Variants in SEMA3A observed in about 807,000 individuals in gnomAD.
The protein encoded by SEMA3A is semaphorin-3A.
A neutral mutation model predicts 97.9 loss-of-function variants in SEMA3A; 29 were observed. That is an observed-to-expected ratio of 0.30 (90% CI 0.22 to 0.40). The LOEUF is 0.40. Among genes scored for constraint, SEMA3A ranks in the 10% least tolerant of loss-of-function variants. The pLI is 1.00. For synonymous variants in SEMA3A, 321 were observed against 323.7 expected, an observed-to-expected ratio of 0.99 and a Z score of 0.09; for missense variants, 763 against 951.3, an observed-to-expected ratio of 0.80 and a Z score of 2.60.
chr7:84,217,809 C>G (rs969641022), intron 3 of SEMA3A, among the ~76,000 whole-genome samples: 2 of 151,668 alleles, frequency 1.3e-5, no homozygotes, highest in African/African-American at 4.8e-5. Context: ...TGGGTACCAT[C>G]GCTCATACCT....
chr7:84,324,015 T>C (rs2115921112), intron 2 of SEMA3A, among the ~76,000 whole-genome samples: 1 of 152,342 alleles, frequency 6.6e-6, no homozygotes, highest in Middle Eastern at 3.4e-3. Flanking sequence ...TTTGTAATTA[T>C]GTATTACCTT....
chr7:84,209,598 T>A (rs1186211649), intron 3 of SEMA3A, among the ~76,000 whole-genome samples: 1 of 152,202 alleles, frequency 6.6e-6, no homozygotes, highest in Admixed American at 6.5e-5. Flanking sequence ...AAAACCATAG[T>A]ATAAAATGTA....
intron 1 of SEMA3A, among the ~76,000 whole-genome samples, chr7:84,399,696 G>A (rs1166652472): frequency 6.6e-6 from 1 of 152,198 alleles, no homozygotes; most frequent in Non-Finnish European, 1.5e-5. Context: ...TTCCCTGGTA[G>A]GATGGACCAA....
chr7:84,305,170 ATTAT>A (rs1421188421), intron 3 of SEMA3A, among the ~76,000 whole-genome samples: 1 of 151,732 alleles, frequency 6.6e-6, no homozygotes, highest in East Asian at 1.9e-4. Context: ...CTTTTAAATA[ATTAT>A]TTATATAAGC....
intron 1 of SEMA3A, among the ~76,000 whole-genome samples, chr7:84,175,834 G>A (rs74382367): frequency 0.011 from 1,720 of 152,102 alleles, 6 homozygotes; most frequent in Non-Finnish European, 0.019. Flanking sequence ...AGCTGGGTAC[G>A]TGAATCCTAA....
rs184099494 is a variant in SEMA3A at position 84,424,487 on chromosome 7, G to A, written c.-245-52587C>T. Among the ~76,000 whole-genome samples, 103 of 77,188 alleles carry A rather than the reference G, an allele frequency of 1.3e-3. 1 individual carries two copies. Among genetic ancestry groups the A allele is most frequent in the Non-Finnish European group, 1.7e-3 (72 of 43,308 alleles). 50.6% of individuals were successfully genotyped at this position (77,188 alleles called of 152,430 possible). A position where few individuals can be genotyped will look rare whatever the true frequency, so the allele number is the denominator to read the frequency against. ...TTTAATATACAATATATAATATATT[G>A]ATATATAATATATAATATATAAATA... On this transcript the variant is annotated intron_variant, in intron 1 of 3. Transcript: ENST00000424555.
At chr7:84,350,056 G>A (rs1463548663) in intron 2 of SEMA3A, among the ~76,000 whole-genome samples, 1 of 151,964 alleles carries the variant, frequency 6.6e-6, no homozygotes, top group Non-Finnish European at 1.5e-5. Context: ...CCCTATTTTG[G>A]TATCACGTCT....
At chr7:84,283,939 A>G (rs1285354335) in intron 3 of SEMA3A, among the ~76,000 whole-genome samples, 1 of 152,268 alleles carries the variant, frequency 6.6e-6, no homozygotes, top group African/African-American at 2.4e-5. Flanking sequence ...ATACTGGACA[A>G]TCAATTATTT....
chr7:84,174,333 G>T (rs1158808353), intron 1 of SEMA3A, among the ~76,000 whole-genome samples: 1 of 152,180 alleles, frequency 6.6e-6, no homozygotes, highest in Admixed American at 6.5e-5. Flanking sequence ...CATGAACCAG[G>T]TCCAAGTTGC....
chr7:84,416,153 A>G (rs1804427537), intron 1 of SEMA3A, among the ~76,000 whole-genome samples: 1 of 152,148 alleles, frequency 6.6e-6, no homozygotes, highest in African/African-American at 2.4e-5. Flanking sequence ...TGTATCTCCT[A>G]GAATTCCCAT....
intron 1 of SEMA3A, 60 bp from the exon 2 acceptor site, chr7:84,135,011 T>C: frequency 1.5e-6 from 2 of 1,373,596 alleles, no homozygotes; most frequent in East Asian, 4.7e-5. Context: ...AAGCATAGAC[T>C]GTTGGTACAT....
intron 1 of SEMA3A, among the ~76,000 whole-genome samples, chr7:84,150,223 T>TC (rs1796587575): frequency 6.6e-6 from 1 of 152,232 alleles, no homozygotes; most frequent in Non-Finnish European, 1.5e-5. Flanking sequence ...CCTCATGAAA[T>TC]TGCTGTAGAA....
intron 4 of SEMA3A, among the ~76,000 whole-genome samples, chr7:84,109,976 C>T (rs891515862): frequency 2.0e-5 from 3 of 151,836 alleles, no homozygotes; most frequent in South Asian, 2.1e-4. Flanking sequence ...AAATTAATAA[C>T]GAAAAATATA....
intron 3 of SEMA3A, among the ~76,000 whole-genome samples, chr7:84,238,677 T>C (rs2116373903): frequency 6.6e-6 from 1 of 152,252 alleles, no homozygotes; most frequent in African/African-American, 2.4e-5. Context: ...AGTGCACATG[T>C]AGGCATCTCT....
chr7:84,487,104 A>C lies in SEMA3A; in HGVS notation c.-246+5356T>G, dbSNP rs563873949. Among the ~76,000 whole-genome samples, 6 of 152,288 alleles carry C rather than the reference A, an allele frequency of 3.9e-5. No individual in the cohort carries two copies. The East Asian group carries it at 1.2e-3, about 29-fold the overall frequency. On this transcript the variant is annotated intron_variant, in intron 1 of 3. Transcript: ENST00000424555. The stretch of plus-strand genomic sequence containing the variant: ...GAACATATAGCAATGATAATATTAA[A>C]AATTTATACCCATGCTTAAAAAAAT...
chr7:84,362,152 T>C (rs940894114), intron 2 of SEMA3A, among the ~76,000 whole-genome samples: 4 of 151,940 alleles, frequency 2.6e-5, no homozygotes, highest in African/African-American at 9.7e-5. Flanking sequence ...GGCTCACAAC[T>C]GTTGTAAACT....
intron 4 of SEMA3A, among the ~76,000 whole-genome samples, chr7:84,108,047 A>G (rs1795160968): frequency 6.6e-6 from 1 of 152,196 alleles, no homozygotes; most frequent in African/African-American, 2.4e-5. Context: ...TACAAAATAT[A>G]AAAATACAAA....
intron 1 of SEMA3A, among the ~76,000 whole-genome samples, chr7:84,379,733 T>C (rs1426814588): frequency 6.6e-6 from 1 of 152,190 alleles, no homozygotes; most frequent in Non-Finnish European, 1.5e-5. Context: ...AAGCTCTTTG[T>C]TCATCGAAAT....
At chr7:84,227,160 A>T (rs1799007673) in intron 3 of SEMA3A, among the ~76,000 whole-genome samples, 1 of 151,294 alleles carries the variant, frequency 6.6e-6, no homozygotes, top group African/African-American at 2.4e-5. Context: ...ATATCTATCT[A>T]TATATGTATC....
Sources: gnomAD v4.1 joint callset for allele counts (sites outside exome capture counted in the v4.1 genomes callset) on GRCh38, gnomAD v4.1.1 for gene constraint, MANE v1.5 for transcripts, NCBI Gene and HGNC (gene_info 2026-07-23, HGNC 2026-07-21) for gene names.